Variants in MATK observed in about 807,000 individuals in gnomAD.
The protein encoded by MATK is megakaryocyte-associated tyrosine kinase.
A neutral mutation model predicts 59.8 loss-of-function variants in MATK; 41 were observed. The ratio of observed to expected loss-of-function variants is 0.69; its 90% CI spans 0.53 to 0.89. MATK has a LOEUF of 0.89. Ranked by LOEUF, MATK falls within the 40% of genes least tolerant of loss-of-function variation. The pLI is 0.00. For synonymous variants in MATK, 308 were observed against 306.1 expected (o/e 1.01, Z -0.06); for missense variants, 593 against 719.6 (o/e 0.82, Z 2.01).
Position 3,779,785 on chromosome 19 carries a change from C to T in MATK, c.755G>A (p.Gly252Asp). Residue 252 changes from glycine (G) to aspartate (D), a missense_variant, in exon 9 of 14, where the codon GGT becomes GAT. By Grantham distance (94) the Gly-to-Asp change is moderately conservative. Transcript: ENST00000310132. Reference protein sequence around the residue: ...GEGEFGAVLQGEYLGQKVAVK... With the variant: ...GEGEFGAVLQDEYLGQKVAVK... ...GGCCACCTTTTGCCCCAGGTACTCA[C>T]CCTGCAGGACAGCTGGGGGGTGGGG... 6.2e-7 allele frequency: 1 copy of T among 1,611,886 alleles called. No individual in the cohort carries two copies. The highest frequency in any genetic ancestry group is 8.5e-7 in the Non-Finnish European group (1 of 1,179,026).
At chr19:3,782,546 G>A (rs1568406263) in intron 7 of MATK, among the ~76,000 whole-genome samples, 1 of 152,232 alleles carries the variant, frequency 6.6e-6, no homozygotes. Context: ...TGAAGAAAAC[G>A]ATGATCACAG....
intron 1 of MATK, among the ~76,000 whole-genome samples, chr19:3,800,561 G>T (rs1452944785): frequency 6.6e-6 from 1 of 151,986 alleles, no homozygotes; most frequent in Non-Finnish European, 1.5e-5. Flanking sequence ...CAGGAGAATC[G>T]CCTGAACCCA....
chr19:3,778,611 C>T lies in MATK; in HGVS notation c.1198-16G>A, dbSNP rs202097706. ...TGGTGAACTTCTGTGGGGCCCGAGA[C>T]GGGGGTGAGGAGGGACCCCTCAGGT... On this transcript the variant is annotated splice_polypyrimidine_tract_variant and intron_variant, in intron 12 of 13. Coordinates refer to ENST00000310132, the MANE Select transcript of MATK (RefSeq NM_139355.3). 1.8e-4 allele frequency: 288 copies of T among 1,601,094 alleles called. 1 individual carries two copies. The Middle Eastern group carries it at 2.6e-3, about 15-fold the overall frequency.
At chr19:3,780,981 G>C (rs1460396933) in intron 8 of MATK, among the ~76,000 whole-genome samples, 1 of 146,780 alleles carries the variant, frequency 6.8e-6, no homozygotes, top group Non-Finnish European at 1.5e-5. Context: ...CTCCTGCCCC[G>C]ACCTACCAAA....
At chr19:3,800,350 C>T (rs1036524632) in intron 1 of MATK, among the ~76,000 whole-genome samples, 19 of 151,960 alleles carry the variant, frequency 1.3e-4, no homozygotes, top group Non-Finnish European at 2.5e-4. Context: ...GCAGGATGGC[C>T]GGGCGTGGTG....
In MATK at chr19:3,778,131, C is replaced by T. The variant is rs771067768; in HGVS notation, c.*52G>A. ...TTGGGCCTGGTCAGTGCCCCCACGC[C>T]GCACTCTCCACTCTCTCGGTCCTCT... On this transcript the variant is annotated 3_prime_UTR_variant, in exon 14 of 14. Coordinates refer to ENST00000310132, the MANE Select transcript of MATK (RefSeq NM_139355.3). 27 of 1,520,646 alleles carry T rather than the reference C, an allele frequency of 1.8e-5. No homozygotes were observed. Among genetic ancestry groups the T allele is most frequent in the Admixed American group, 4.6e-5 (2 of 43,102 alleles). The allele number at this position is 1,520,646 out of a possible 1,614,324, so 94.2% of individuals were successfully genotyped here.
chr19:3,780,921 G>C (rs900791376), intron 8 of MATK, among the ~76,000 whole-genome samples: 1 of 151,288 alleles, frequency 6.6e-6, no homozygotes, highest in African/African-American at 2.4e-5. Flanking sequence ...ACAGATGGGG[G>C]TCTCGCTACG....
intron 12 of MATK, 53 bp downstream of exon 12, chr19:3,778,939 A>G: frequency 6.7e-7 from 1 of 1,484,664 alleles, no homozygotes; most frequent in Middle Eastern, 2.3e-4. Flanking sequence ...AGGGTCATAC[A>G]GCAGAGCTGG....
rs761686541 is a variant in MATK, at chr19:3,783,804, G to A, written c.582+10C>T. 1.8e-5 allele frequency: 29 copies of A among 1,607,380 alleles called. No individual in the cohort carries two copies. Among genetic ancestry groups the A allele is most frequent in the Non-Finnish European group, 2.5e-5 (29 of 1,175,606 alleles). On this transcript the variant is annotated intron_variant, in intron 6 of 13. Transcript: ENST00000310132. ...TGCAGGGACGGGGTGGGGCCTCTGG[G>A]TGGCAGCACCTCCACCATGTCCATG...
intron 7 of MATK, 162 bp downstream of exon 7, chr19:3,782,962 GTC>G: frequency 1.6e-6 from 1 of 623,200 alleles, no homozygotes; most frequent in Non-Finnish European, 2.9e-6. Context: ...ACTGATCTGT[GTC>G]TGTGGGCACC....
chr19:3,784,455 CAGAGGGGGCCGGG>C lies in MATK; in HGVS notation c.133-17_133-5del. 1 of 1,585,748 alleles carries C rather than the reference CAGAGGGGGCCGGG, an allele frequency of 6.3e-7. No individual in the cohort carries two copies. The highest frequency in any genetic ancestry group is 1.1e-5 in the South Asian group (1 of 88,696). On this transcript the variant is annotated splice_polypyrimidine_tract_variant and splice_region_variant and intron_variant, in intron 3 of 13. Transcript: ENST00000310132. The stretch of plus-strand genomic sequence containing the variant: ...GGGTGCCCGGGGCCCAGCGCCTCTG[CAGAGGGGGCCGGG>C]AGAGGGGCAAAGGGAGGACATCACG...
In MATK at chr19:3,784,231, G is replaced by C; in HGVS notation, c.255C>G (p.Ser85Arg). The change falls in exon 5 of 14, where the codon AGC becomes AGG. Residue 85 changes from serine (S) to arginine (R), a missense_variant. Coordinates refer to ENST00000310132, the MANE Select transcript of MATK (RefSeq NM_139355.3). ...VTILEACENK[S>R]WYRVKHHTSG... ...TGGTGTGGTGCTTGACGCGGTACCA[G>C]CTCTTGTTCTGCCAGGGAGGAAGCA... 1.2e-6 allele frequency: 2 copies of C among 1,611,786 alleles called. No individual in the cohort carries two copies. The highest frequency in any genetic ancestry group is 1.7e-6 in the Non-Finnish European group (2 of 1,178,430).
chr19:3,781,721 C>G (rs1436045840), intron 7 of MATK, 49 bp from the exon 8 acceptor site: 1 of 1,451,388 alleles, frequency 6.9e-7, no homozygotes, highest in Non-Finnish European at 9.6e-7. Flanking sequence ...CCTAAATCCT[C>G]CCATTGGGGG....
chr19:3,787,994 C>G (rs949848050), upstream of MATK, among the ~76,000 whole-genome samples: 15 of 150,898 alleles, frequency 9.9e-5, no homozygotes, highest in South Asian at 2.1e-4. Flanking sequence ...AATGCCTGGG[C>G]TCAAGCGAAC....
chr19:3,785,432 T>C (rs968289273), intron 1 of MATK, 146 bp from the exon 2 acceptor site: 10 of 450,702 alleles, frequency 2.2e-5, no homozygotes, highest in African/African-American at 5.9e-5. Flanking sequence ...GCCTCTCTGA[T>C]CCCCCCCCAA....
chr19:3,778,170 C>A lies in MATK; in HGVS notation c.*13G>T. 6.5e-7 allele frequency: 1 copy of A among 1,544,628 alleles called. No individual in the cohort carries two copies. Among genetic ancestry groups the A allele is most frequent in the Non-Finnish European group, 8.7e-7 (1 of 1,150,310 alleles). ...TCTCGGTCCTCTGGGGCCAAGGGCCCCACCGGGTGGGGTCAGGGCTCCTGG... is the reference window on the plus strand; with the variant it reads ...TCTCGGTCCTCTGGGGCCAAGGGCCACACCGGGTGGGGTCAGGGCTCCTGG... On this transcript the variant is annotated 3_prime_UTR_variant, in exon 14 of 14. Coordinates refer to ENST00000310132, the MANE Select transcript of MATK (RefSeq NM_139355.3).
upstream of MATK, chr19:3,789,237 G>A (rs755635733): frequency 1.3e-6 from 1 of 765,522 alleles, no homozygotes; most frequent in Non-Finnish European, 2.5e-6. Context: ...CAAAATATCT[G>A]CAGCGGAAAA....
At chr19:3,791,282 C>T (rs147345353), upstream of MATK, among the ~76,000 whole-genome samples, 98 of 152,016 alleles carry the variant, frequency 6.4e-4, no homozygotes, top group South Asian at 2.3e-3. Flanking sequence ...CTGAGTCAGG[C>T]GGCACCAGGC....
chr19:3,789,085 C>T (rs1183392454), upstream of MATK, among the ~76,000 whole-genome samples: 3 of 152,102 alleles, frequency 2.0e-5, no homozygotes, highest in African/African-American at 7.2e-5. Context: ...CCCACAGCTT[C>T]GTGGATCTGG....
Sources: gnomAD v4.1 joint callset for allele counts (sites outside exome capture counted in the v4.1 genomes callset) on GRCh38, gnomAD v4.1.1 for gene constraint, MANE v1.5 for transcripts, NCBI Gene and HGNC (gene_info 2026-07-23, HGNC 2026-07-21) for gene names.